GABRG3: variants seen among roughly 807,000 people sequenced by gnomAD.
The protein encoded by GABRG3 is gamma-aminobutyric acid type A receptor subunit gamma3.
A neutral mutation model predicts 48.8 loss-of-function variants in GABRG3; 25 were observed. The ratio of observed to expected loss-of-function variants is 0.51; its 90% CI spans 0.37 to 0.72. The LOEUF (loss-of-function observed/expected upper bound fraction) is 0.72, where lower values mean the gene tolerates loss of function less well. Among genes scored for constraint, GABRG3 ranks in the 30% least tolerant of loss-of-function variants. The pLI, the probability that GABRG3 is intolerant of heterozygous loss-of-function variation, is 0.00. For missense variants in GABRG3, 394 were observed against 577.9 expected (o/e 0.68, Z 3.26); for synonymous variants, 227 against 217.6 (o/e 1.04, Z -0.38).
intron 5 of GABRG3, among the ~76,000 whole-genome samples, chr15:27,371,703 G>A (rs1374721485): frequency 6.6e-6 from 1 of 152,112 alleles, no homozygotes; most frequent in East Asian, 1.9e-4. Context: ...GAGGACAAAA[G>A]GATTAGAAAG....
intron 2 of GABRG3, among the ~76,000 whole-genome samples, chr15:27,011,906 G>T (rs557861875): frequency 6.6e-6 from 1 of 151,846 alleles, no homozygotes; most frequent in Admixed American, 6.6e-5. Flanking sequence ...GAGGTGCATG[G>T]CTATTCTGTC....
chr15:27,252,039 G>T (rs937671926), intron 3 of GABRG3, among the ~76,000 whole-genome samples: 53 of 152,318 alleles, frequency 3.5e-4, no homozygotes, highest in African/African-American at 1.2e-3. Flanking sequence ...GAAAAAGATG[G>T]CCCTGAGGGG....
chr15:27,475,853 G>A (rs1166178844), intron 5 of GABRG3, among the ~76,000 whole-genome samples: 1 of 152,024 alleles, frequency 6.6e-6, no homozygotes, highest in Non-Finnish European at 1.5e-5. Context: ...TGATTGTGAT[G>A]GTGATGATGA....
At chr15:27,116,983 G>C (rs1897652211) in intron 3 of GABRG3, among the ~76,000 whole-genome samples, 1 of 152,126 alleles carries the variant, frequency 6.6e-6, no homozygotes, top group Non-Finnish European at 1.5e-5. Flanking sequence ...CCAAGTCTCA[G>C]GTATCGTGTT....
chr15:26,971,623 C>G (rs768531829), intron 1 of GABRG3, 35 bp downstream of exon 1: 138 of 1,516,816 alleles, frequency 9.1e-5, no homozygotes, highest in South Asian at 3.1e-4. Flanking sequence ...CCGGAGGCCC[C>G]GAGCTGGGCG....
rs545731379 is a variant in GABRG3, at chr15:27,050,697, A to T, written c.270+23876A>T. Among the ~76,000 whole-genome samples the T allele has an allele frequency of 2.6e-3, 394 of 152,248 alleles. 2 individuals carry two copies. Among genetic ancestry groups the T allele is most frequent in the African/African-American group, 9.1e-3 (379 of 41,554 alleles). On this transcript the variant is annotated intron_variant, in intron 3 of 9. Transcript: ENST00000615808. ...GGTGTTTTATTTCCAAGTGGATGAC[A>T]ATAAGTTATTTTTATAAACTTTTTA...
intron 3 of GABRG3, among the ~76,000 whole-genome samples, chr15:27,122,276 A>T (rs1208286867): frequency 6.6e-6 from 1 of 152,072 alleles, no homozygotes; most frequent in African/African-American, 2.4e-5. Context: ...TGTTTTAAAG[A>T]TCTGTTGGCC....
At chr15:27,456,505 A>G (rs984725009) in intron 5 of GABRG3, among the ~76,000 whole-genome samples, 1 of 152,208 alleles carries the variant, frequency 6.6e-6, no homozygotes, top group Non-Finnish European at 1.5e-5. Flanking sequence ...AGGGACTGTG[A>G]TGCATTCAGT....
intron 3 of GABRG3, among the ~76,000 whole-genome samples, chr15:27,309,028 C>T (rs1566775550): frequency 6.7e-6 from 1 of 149,008 alleles, no homozygotes; most frequent in East Asian, 2.0e-4. Context: ...TATATAGAAA[C>T]ATAATGTAAA....
intron 5 of GABRG3, among the ~76,000 whole-genome samples, chr15:27,388,095 A>AGGGT: frequency 7.3e-5 from 3 of 40,902 alleles, no homozygotes; most frequent in African/African-American, 3.2e-4. Context: ...AGGAGGGAGG[A>AGGGT]AAGGGAGGGA....
At chr15:27,435,131 G>T (rs1253314312) in intron 5 of GABRG3, among the ~76,000 whole-genome samples, 1 of 150,586 alleles carries the variant, frequency 6.6e-6, no homozygotes, top group Admixed American at 6.6e-5. Context: ...TTGTCCTAAG[G>T]GTCTTCCCCA....
At chr15:27,275,426 T>C (rs771417192) in intron 3 of GABRG3, among the ~76,000 whole-genome samples, 6 of 152,198 alleles carry the variant, frequency 3.9e-5, no homozygotes, top group Admixed American at 3.9e-4. Flanking sequence ...ATTTTTAGTA[T>C]CTTAAACATT....
intron 3 of GABRG3, among the ~76,000 whole-genome samples, chr15:27,262,199 G>A (rs1178155857): frequency 6.6e-6 from 1 of 152,226 alleles, no homozygotes; most frequent in Non-Finnish European, 1.5e-5. Flanking sequence ...AAGGGGAGCT[G>A]AGTGCCTCGG....
intron 5 of GABRG3, 115 bp from the exon 6 acceptor site, chr15:27,480,535 T>C: frequency 2.1e-6 from 2 of 970,050 alleles, no homozygotes; most frequent in Non-Finnish European, 3.0e-6. Flanking sequence ...AGTGCACATA[T>C]GGCCTAAAAG....
intron 6 of GABRG3, among the ~76,000 whole-genome samples, chr15:27,516,128 C>G (rs1433321249): frequency 1.3e-5 from 2 of 150,576 alleles, no homozygotes; most frequent in South Asian, 2.1e-4. Flanking sequence ...AAAAAACACC[C>G]CTACCAACTT....
At chr15:27,146,082 A>G (rs894212524) in intron 3 of GABRG3, among the ~76,000 whole-genome samples, 5 of 152,194 alleles carry the variant, frequency 3.3e-5, no homozygotes, top group African/African-American at 1.2e-4. Context: ...TATCACTAGC[A>G]GACTTGCCTG....
chr15:27,336,202 GAAAGAA>G (rs1566791920), intron 5 of GABRG3, among the ~76,000 whole-genome samples: 460 of 127,782 alleles, frequency 3.6e-3, no homozygotes, highest in African/African-American at 0.015. Context: ...AAGAAAGAAA[GAAAGAA>G]AGAGAGAGAG....
At position 27,140,429 on chromosome 15, in the gene GABRG3, A is replaced by G. The variant is rs143227867; in HGVS notation, c.270+113608A>G. ...CTGTGTTCATTGTTGTTGTGGAGTT[A>G]GAGAATATCAAAAGAAATTTGAGTT... On this transcript the variant is annotated intron_variant, in intron 3 of 9. Transcript: ENST00000615808. 4.9e-3 allele frequency among the ~76,000 whole-genome samples: 742 copies of G among 152,322 alleles called. 14 individuals are homozygous for G. Among genetic ancestry groups the G allele is most frequent in the Admixed American group, 0.039 (596 of 15,296 alleles).
intron 3 of GABRG3, among the ~76,000 whole-genome samples, chr15:27,058,380 T>G (rs1421707281): frequency 6.6e-6 from 1 of 152,142 alleles, no homozygotes; most frequent in Non-Finnish European, 1.5e-5. Context: ...TAAAGATTTT[T>G]GAGTATGCTT....
Sources: allele counts gnomAD v4.1 joint callset (sites outside exome capture counted in the v4.1 genomes callset), GRCh38; gene constraint gnomAD v4.1.1; transcripts MANE v1.5; gene names NCBI Gene and HGNC (gene_info 2026-07-23, HGNC 2026-07-21).